The following MYL4 variants were observed in gnomAD, a reference collection of about 807,000 sequenced individuals.
The protein encoded by MYL4 is atrial myosin light chain 1.
Under a neutral mutation model 21.6 loss-of-function variants are expected in MYL4, and 16 were observed. The ratio of observed to expected loss-of-function variants is 0.74; its 90% CI spans 0.50 to 1.12. MYL4 has a LOEUF of 1.12. Ranked by LOEUF, MYL4 falls within the 50% of genes most tolerant of loss-of-function variation. The pLI is 0.00. For missense variants in MYL4, 249 were observed against 252.9 expected (o/e 0.98, Z 0.11); for synonymous variants, 82 against 95.7 (o/e 0.86, Z 0.83).
chr17:47,223,090 G>C (rs760813399), intron 6 of MYL4, 33 bp downstream of exon 6: 3 of 1,610,716 alleles, frequency 1.9e-6, no homozygotes, highest in Admixed American at 1.7e-5. Context: ...GGTCCCTTCC[G>C]GGGTCACATA....
upstream of MYL4, chr17:47,200,404 T>G (rs2064705121): frequency 6.6e-6 from 1 of 152,198 alleles, no homozygotes; most frequent in Non-Finnish European, 1.5e-5. Flanking sequence ...GGGGCTAAGC[T>G]TCTCCGTCAG....
chr17:47,222,690 G>T (rs773257654), intron 5 of MYL4, among the ~76,000 whole-genome samples: 87 of 152,162 alleles, frequency 5.7e-4, no homozygotes, highest in Admixed American at 1.8e-3. Context: ...TTAAGTCACT[G>T]ATTTTCTCTG....
At chr17:47,205,520 GA>G (rs778535586), upstream of MYL4, among the ~76,000 whole-genome samples, 1 of 152,224 alleles carries the variant, frequency 6.6e-6, no homozygotes, top group Non-Finnish European at 1.5e-5. Context: ...GTGGCGTCAT[GA>G]ATTTTAGTAA....
At chr17:47,225,332 G>C (rs2064881060), downstream of MYL4, among the ~76,000 whole-genome samples, 2 of 152,162 alleles carry the variant, frequency 1.3e-5, no homozygotes, top group Non-Finnish European at 2.9e-5. Flanking sequence ...ACAAAACCAG[G>C]GATCTTTATA....
At chr17:47,206,079 T>C (rs996478025), upstream of MYL4, among the ~76,000 whole-genome samples, 4 of 152,164 alleles carry the variant, frequency 2.6e-5, no homozygotes, top group East Asian at 7.7e-4. Flanking sequence ...CATTATTTCA[T>C]ACAAATCTCA....
rs754340071 is a variant in MYL4 at position 47,214,858 on chromosome 17, A to G, written c.163+1032A>G. ...GGATTTAATAATATACAGTATTTGG[A>G]TATCTTTTCAAAATTAACACAAACA... On this transcript the variant is annotated intron_variant, in intron 2 of 6. Coordinates refer to ENST00000393450, the MANE Select transcript of MYL4 (RefSeq NM_002476.2). 2.6e-5 allele frequency among the ~76,000 whole-genome samples: 4 copies of G among 152,322 alleles called. No individual in the cohort carries two copies. The South Asian group carries it at 8.3e-4, about 32-fold the overall frequency.
In MYL4 at chr17:47,222,382, GAGA is replaced by G. The variant is rs774717295; in HGVS notation, c.494_496del (p.Lys165del). The stretch of plus-strand genomic sequence containing the variant: ...ACCACCTCCCAAACCCACCGCAGGA[GAGA>G]AGATGACTGAGGCTGAAGTGGAGCA... On this transcript the variant is annotated inframe_deletion, in exon 5 of 7. Coordinates refer to ENST00000393450, the MANE Select transcript of MYL4 (RefSeq NM_002476.2). 1.2e-6 allele frequency: 2 copies of G among 1,614,146 alleles called. No homozygotes were observed. Among genetic ancestry groups the G allele is most frequent in the Non-Finnish European group, 1.7e-6 (2 of 1,180,018 alleles).
chr17:47,221,740 C>T lies in MYL4; in HGVS notation c.372C>T (p.Ser124=). 1 of 1,614,160 alleles carries T rather than the reference C, an allele frequency of 6.2e-7. No homozygotes were observed. The highest frequency in any genetic ancestry group is 1.1e-5 in the South Asian group (1 of 91,080). The change falls in exon 4 of 7, where the codon TCC becomes TCT. Residue 124 remains serine, a synonymous_variant. Coordinates refer to ENST00000393450, the MANE Select transcript of MYL4 (RefSeq NM_002476.2). ...ETFLPILQHI[S]RNKEQGTYED... ...TCTTGCCCATCCTGCAGCACATTTC[C>T]CGCAACAAGGAGCAGGGCACCTATG...
At chr17:47,209,718 G>A in intron 1 of MYL4, 161 bp downstream of exon 1, 2 of 1,032,258 alleles carry the variant, frequency 1.9e-6, no homozygotes, top group Non-Finnish European at 3.0e-6. Flanking sequence ...GGGTGTTGGG[G>A]CTGATGAGGG....
upstream of MYL4, among the ~76,000 whole-genome samples, chr17:47,207,184 G>A (rs1362473348): frequency 6.6e-6 from 1 of 152,194 alleles, no homozygotes; most frequent in Non-Finnish European, 1.5e-5. Context: ...TCTCGTTCTA[G>A]TATTCCCTTG....
At chr17:47,202,943 T>G (rs1180274133) in intron 1 of MYL4, among the ~76,000 whole-genome samples, 1 of 147,200 alleles carries the variant, frequency 6.8e-6, no homozygotes. Flanking sequence ...AAGCTTAAAT[T>G]TATTTATTTA....
At chr17:47,207,383 G>A (rs911283332), upstream of MYL4, among the ~76,000 whole-genome samples, 6 of 152,268 alleles carry the variant, frequency 3.9e-5, no homozygotes, top group East Asian at 1.9e-4. Flanking sequence ...CAACTTCAAC[G>A]TTTCCCTGGA....
chr17:47,197,961 G>A (rs1221564265), upstream of MYL4, among the ~76,000 whole-genome samples: 4 of 152,202 alleles, frequency 2.6e-5, no homozygotes, highest in African/African-American at 4.8e-5. Context: ...AAACCTTTGG[G>A]TTCCTGGCTG....
intron 2 of MYL4, 64 bp downstream of exon 2, chr17:47,213,890 G>A (rs866617128): frequency 1.5e-5 from 23 of 1,498,776 alleles, no homozygotes; most frequent in Non-Finnish European, 1.9e-5. Flanking sequence ...AGGAGGAGGA[G>A]GAAGAAGAGG....
At chr17:47,221,996 T>A in intron 4 of MYL4, 141 bp downstream of exon 4, 1 of 987,852 alleles carries the variant, frequency 1.0e-6, no homozygotes, top group Non-Finnish European at 1.5e-6. Context: ...CCAGGCCCTG[T>A]CTCCCTGGGC....
At chr17:47,195,352 C>G in the MYL4 span, among the ~76,000 whole-genome samples, 1 of 152,042 alleles carries the variant, frequency 6.6e-6, no homozygotes, top group Non-Finnish European at 1.5e-5. Flanking sequence ...GCCTCAGCCT[C>G]CCAAGTAGCT....
intron 1 of MYL4, 131 bp from the exon 2 acceptor site, chr17:47,213,668 C>T (rs2149043602): frequency 3.4e-6 from 3 of 870,652 alleles, no homozygotes; most frequent in East Asian, 4.8e-5. Flanking sequence ...AGTCACCTTC[C>T]CTGCTTATCA....
At chr17:47,221,876 T>G (rs1379546750) in intron 4 of MYL4, 21 bp downstream of exon 4, 2 of 1,604,740 alleles carry the variant, frequency 1.2e-6, no homozygotes, top group Non-Finnish European at 1.7e-6. Flanking sequence ...TGGGCAGAGA[T>G]GAAGACCAAG....
intron 2 of MYL4, among the ~76,000 whole-genome samples, chr17:47,218,221 A>G (rs2064829534): frequency 6.6e-6 from 1 of 152,220 alleles, no homozygotes; most frequent in South Asian, 2.1e-4. Context: ...TTAAATTCAT[A>G]TAAAGCCGAA....
Sources: gnomAD v4.1 joint callset for allele counts (sites outside exome capture counted in the v4.1 genomes callset) on GRCh38, gnomAD v4.1.1 for gene constraint, MANE v1.5 for transcripts, NCBI Gene and HGNC (gene_info 2026-07-23, HGNC 2026-07-21) for gene names.